ATP10B: variants seen among roughly 807,000 people sequenced by gnomAD.
ATP10B encodes the protein phospholipid-transporting ATPase VB.
ATP10B carries 122 observed loss-of-function variants against 141.2 expected under a neutral mutation model. The ratio of observed to expected loss-of-function variants is 0.86; its 90% CI spans 0.75 to 1.00. The LOEUF is 1.00. Among genes scored for constraint, ATP10B ranks in the 50% least tolerant of loss-of-function variants. ATP10B has a pLI of 0.00. For synonymous variants in ATP10B, 685 were observed against 692.0 expected, an observed-to-expected ratio of 0.99 and a Z score of 0.16; for missense variants, 1,876 against 1,825.3, an observed-to-expected ratio of 1.03 and a Z score of -0.51.
chr5:160,922,560 ACT>A, the ATP10B span, among the ~76,000 whole-genome samples: 1 of 152,228 alleles, frequency 6.6e-6, no homozygotes, highest in Non-Finnish European at 1.5e-5. Flanking sequence ...GCAGAGAAAT[ACT>A]GAGATGTCAA....
chr5:160,730,154 CT>C (rs1199370653), intron 2 of ATP10B, among the ~76,000 whole-genome samples: 2 of 145,570 alleles, frequency 1.4e-5, no homozygotes, highest in African/African-American at 5.1e-5. Context: ...TCATATAATG[CT>C]GACAAAGCCC....
chr5:160,845,519 T>C lies in ATP10B; in HGVS notation c.-576+6422A>G, dbSNP rs577900961. The stretch of plus-strand genomic sequence containing the variant: ...GTAGCTACATACAAAGTGTTCACTT[T>C]GTTATAGTTCATCAAGCTGTGCATT... On this transcript the variant is annotated intron_variant, in intron 1 of 25. Coordinates refer to ENST00000327245, the MANE Select transcript of ATP10B (RefSeq NM_025153.3). Among the ~76,000 whole-genome samples the C allele has an allele frequency of 3.7e-4, 57 of 152,304 alleles. 1 individual carries two copies. The highest frequency in any genetic ancestry group is 3.4e-3 in the Middle Eastern group (1 of 294).
intron 2 of ATP10B, among the ~76,000 whole-genome samples, chr5:160,771,974 C>T (rs901163168): frequency 3.3e-5 from 5 of 152,238 alleles, no homozygotes; most frequent in Non-Finnish European, 7.3e-5. Context: ...GCCGACTAAT[C>T]GGGGAAGCCC....
At position 160,636,324 on chromosome 5, in the gene ATP10B, A is replaced by G; in HGVS notation, c.1001-15T>C. ...GATGCTGTGACCTGAGAGGAGGCAA[A>G]ACCAGGAATGAGGCTGAATCTCTAC... is the stretch of plus-strand genomic sequence containing the variant. On this transcript the variant is annotated splice_polypyrimidine_tract_variant and intron_variant, in intron 10 of 25. Coordinates refer to ENST00000327245, the MANE Select transcript of ATP10B (RefSeq NM_025153.3). 1.2e-6 allele frequency: 2 copies of G among 1,610,578 alleles called. No homozygotes were observed. Among genetic ancestry groups the G allele is most frequent in the Non-Finnish European group, 1.7e-6 (2 of 1,178,516 alleles).
At chr5:160,596,635 T>C (rs1418796707) in intron 22 of ATP10B, among the ~76,000 whole-genome samples, 1 of 150,214 alleles carries the variant, frequency 6.7e-6, no homozygotes, top group African/African-American at 2.5e-5. Context: ...ATTGTATATC[T>C]AGAAAACCCC....
chr5:160,608,396 G>A (rs1159007224), intron 18 of ATP10B, among the ~76,000 whole-genome samples: 1 of 152,164 alleles, frequency 6.6e-6, no homozygotes, highest in Non-Finnish European at 1.5e-5. Flanking sequence ...ACATATATAT[G>A]CATATGTCTT....
At chr5:160,618,809 C>T (rs1004179754) in intron 15 of ATP10B, among the ~76,000 whole-genome samples, 11 of 152,128 alleles carry the variant, frequency 7.2e-5, no homozygotes, top group African/African-American at 9.7e-5. Context: ...ATTTATCAGT[C>T]GCTTGTAAAA....
chr5:160,593,434 A>C (rs1756462094), intron 22 of ATP10B, among the ~76,000 whole-genome samples: 1 of 152,202 alleles, frequency 6.6e-6, no homozygotes, highest in Admixed American at 6.5e-5. Context: ...CCATCATCAA[A>C]GACCAAAAGT....
At chr5:160,751,478 G>A (rs1193568215) in intron 2 of ATP10B, among the ~76,000 whole-genome samples, 3 of 152,116 alleles carry the variant, frequency 2.0e-5, no homozygotes, top group Admixed American at 6.6e-5. Context: ...AACTGATAGC[G>A]GGCTAGTCCT....
At chr5:160,714,661 A>G (rs1389639226) in intron 3 of ATP10B, among the ~76,000 whole-genome samples, 3 of 113,468 alleles carry the variant, frequency 2.6e-5, no homozygotes, top group Admixed American at 8.9e-5. Flanking sequence ...CTGGTGAGGA[A>G]CTGCGTTCCT....
At chr5:160,895,581 C>T in the ATP10B span, among the ~76,000 whole-genome samples, 4 of 152,156 alleles carry the variant, frequency 2.6e-5, no homozygotes, top group African/African-American at 9.7e-5. Flanking sequence ...GAGACTTAGA[C>T]TCCCACACAA....
the ATP10B span, among the ~76,000 whole-genome samples, chr5:160,927,511 C>A: frequency 1.3e-5 from 2 of 152,206 alleles, no homozygotes; most frequent in African/African-American, 4.8e-5. Context: ...GGTCCCTGAG[C>A]ACTTAAAAAT....
intron 1 of ATP10B, among the ~76,000 whole-genome samples, chr5:160,834,154 T>A (rs1775278930): frequency 6.6e-6 from 1 of 151,870 alleles, no homozygotes; most frequent in Non-Finnish European, 1.5e-5. Flanking sequence ...CAAAATCCCA[T>A]CTCTACTAAA....
At chr5:160,865,788 A>G in the ATP10B span, among the ~76,000 whole-genome samples, 1 of 152,144 alleles carries the variant, frequency 6.6e-6, no homozygotes, top group Non-Finnish European at 1.5e-5. Context: ...AACAAGATAC[A>G]CAAACAGCCA....
At chr5:160,714,892 G>C (rs61280050) in intron 3 of ATP10B, among the ~76,000 whole-genome samples, 53 of 146,250 alleles carry the variant, frequency 3.6e-4, no homozygotes, top group Non-Finnish European at 5.1e-4. Context: ...TGTCAGTGTG[G>C]CCCTGCTGGG....
chr5:160,566,295 C>T (rs1443684026), intron 25 of ATP10B, among the ~76,000 whole-genome samples: 10 of 152,196 alleles, frequency 6.6e-5, no homozygotes, highest in African/African-American at 2.2e-4. Context: ...AATCCAAAGA[C>T]TTGTCTCTTT....
At chr5:160,688,698 T>A in intron 4 of ATP10B, 62 bp downstream of exon 4, 1 of 892,214 alleles carries the variant, frequency 1.1e-6, no homozygotes, top group Middle Eastern at 5.8e-4. Flanking sequence ...AAGGTACCTA[T>A]TCTTTAGGTT....
chr5:160,797,136 A>ACCC (rs1209107401), intron 1 of ATP10B, among the ~76,000 whole-genome samples: 1 of 151,798 alleles, frequency 6.6e-6, no homozygotes, highest in Non-Finnish European at 1.5e-5. Context: ...GGGCCCAGGA[A>ACCC]CCCCTGGCTG....
Position 160,687,839 on chromosome 5 carries a change from A to T in ATP10B, c.236T>A (p.Phe79Tyr). The change falls in exon 5 of 26, where the codon TTC becomes TAC. Residue 79 changes from phenylalanine to tyrosine, a missense_variant. Phe to Tyr is a conservative substitution (Grantham distance 22, BLOSUM62 3). Coordinates refer to ENST00000327245, the MANE Select transcript of ATP10B (RefSeq NM_025153.3). ...AAAGAGATTCCGGGGCAGGAAGGTG[A>T]AGAGGGTGTATTTGGTTGTGCAGGT... ...NRTCTTKYTLFTFLPRNLFEQ... is the reference protein window; with the variant it reads ...NRTCTTKYTLYTFLPRNLFEQ... 1.9e-6 allele frequency: 3 copies of T among 1,614,088 alleles called. No individual in the cohort carries two copies. The highest frequency in any genetic ancestry group is 2.5e-6 in the Non-Finnish European group (3 of 1,180,010).
Sources: allele counts gnomAD v4.1 joint callset (sites outside exome capture counted in the v4.1 genomes callset), GRCh38; gene constraint gnomAD v4.1.1; transcripts MANE v1.5; gene names NCBI Gene and HGNC (gene_info 2026-07-23, HGNC 2026-07-21).